Variants in STK10 observed in about 807,000 individuals in gnomAD.
STK10 encodes the protein serine/threonine kinase 10.
Under a neutral mutation model 113.8 loss-of-function variants are expected in STK10, and 78 were observed. The observed-to-expected ratio is 0.69, with a 90% CI of 0.57 to 0.83. STK10 has a LOEUF of 0.83. STK10 is among the 40% of genes least tolerant of loss of function. STK10 has a pLI of 0.00. For missense variants in STK10, 1,109 were observed against 1,280.1 expected (o/e 0.87, Z 2.04); for synonymous variants, 465 against 494.7 (o/e 0.94, Z 0.80).
At chr5:172,161,506 C>G (rs1183115839) in intron 1 of STK10, among the ~76,000 whole-genome samples, 1 of 152,000 alleles carries the variant, frequency 6.6e-6, no homozygotes, top group Non-Finnish European at 1.5e-5. Flanking sequence ...CAATTTCTCT[C>G]CACATTTGCT....
chr5:172,096,711 A>C (rs1768863997), intron 7 of STK10, 151 bp from the exon 8 acceptor site: 3 of 1,092,612 alleles, frequency 2.7e-6, no homozygotes, highest in African/African-American at 1.6e-5. Context: ...GACAGCCTGG[A>C]AAGTCCCAAG....
At chr5:172,064,615 G>T in intron 13 of STK10, 105 bp downstream of exon 13, 1 of 1,163,176 alleles carries the variant, frequency 8.6e-7, no homozygotes, top group Non-Finnish European at 1.3e-6. Flanking sequence ...ATTCAGAACG[G>T]GGTATTTGAG....
At chr5:172,076,182 A>ATTTGTTGTGGGGGCTATCCTGTGCATTT (rs1561797012) in intron 12 of STK10, among the ~76,000 whole-genome samples, 1 of 76,722 alleles carries the variant, frequency 1.3e-5, no homozygotes, top group Non-Finnish European at 2.5e-5. Context: ...CCTGTGCGTT[A>ATTTGTTGTGGGGGCTATCCTGTGCATTT]GTTGTGGGGG....
Position 172,082,366 on chromosome 5 carries a change from T to C in STK10, c.1949A>G (p.Tyr650Cys). 6.3e-7 allele frequency: 1 copy of C among 1,599,026 alleles called. No individual in the cohort carries two copies. Among genetic ancestry groups the C allele is most frequent in the Non-Finnish European group, 8.5e-7 (1 of 1,173,826 alleles). The change falls in exon 12 of 19, where the codon TAC becomes TGC. Residue 650 changes from tyrosine to cysteine, a missense_variant. Tyr to Cys is a radical substitution (Grantham distance 194). Transcript: ENST00000176763. This position sits in a 1 kb window ranked among gnomAD's most constrained non-coding sequence, Gnocchi z 4.3. Reference protein sequence around the residue: ...RRIRLEQDRDYTRFQEQLKLM... With the variant: ...RRIRLEQDRDCTRFQEQLKLM... ...TTTGAGCTGCTCTTGGAACCTGGTGTAGTCCCGATCCTGCTCCAGGCGGAT... is the reference window on the plus strand; with the variant it reads ...TTTGAGCTGCTCTTGGAACCTGGTGCAGTCCCGATCCTGCTCCAGGCGGAT...
At chr5:172,121,799 G>A (rs1454663112) in intron 3 of STK10, among the ~76,000 whole-genome samples, 1 of 152,024 alleles carries the variant, frequency 6.6e-6, no homozygotes, top group African/African-American at 2.4e-5. Flanking sequence ...ACTCCTAGCT[G>A]CAAGCAATCT....
chr5:172,091,114 G>A (rs1768693645), intron 9 of STK10, among the ~76,000 whole-genome samples: 1 of 152,090 alleles, frequency 6.6e-6, no homozygotes, highest in African/African-American at 2.4e-5. Flanking sequence ...TTCAGTGAGA[G>A]AACACATGGC....
At chr5:172,135,372 T>G (rs532875993) in intron 2 of STK10, among the ~76,000 whole-genome samples, 21 of 151,968 alleles carry the variant, frequency 1.4e-4, no homozygotes, top group African/African-American at 4.8e-4. Flanking sequence ...GTTAGCCAGG[T>G]GTGGTGGCAC....
At chr5:172,080,088 T>C (rs1430335158) in intron 12 of STK10, among the ~76,000 whole-genome samples, 1 of 152,190 alleles carries the variant, frequency 6.6e-6, no homozygotes, top group African/African-American at 2.4e-5. Flanking sequence ...TCGCAATATT[T>C]CACATTTTTT....
intron 4 of STK10, among the ~76,000 whole-genome samples, chr5:172,111,628 C>T (rs907144109): frequency 5.3e-5 from 8 of 152,216 alleles, no homozygotes; most frequent in Non-Finnish European, 8.8e-5. Flanking sequence ...TTTCACCATG[C>T]AGTCTCTTCT....
At chr5:172,127,485 C>A in intron 2 of STK10, 64 bp from the exon 3 acceptor site, 1 of 1,578,222 alleles carries the variant, frequency 6.3e-7, no homozygotes. Context: ...ACGGGAACCC[C>A]ACAGGCCCAT....
At chr5:172,145,784 C>T (rs947670389) in intron 2 of STK10, among the ~76,000 whole-genome samples, 1 of 152,194 alleles carries the variant, frequency 6.6e-6, no homozygotes. Flanking sequence ...TGGTTGTGAT[C>T]ACATGGGATC....
chr5:172,085,368 C>T (rs1193018326), intron 10 of STK10, among the ~76,000 whole-genome samples: 2 of 152,092 alleles, frequency 1.3e-5, no homozygotes, highest in Non-Finnish European at 2.9e-5. Context: ...GTGTTAACCA[C>T]GTTTCTTAAT....
At chr5:172,094,763 C>A (rs767997112) in intron 8 of STK10, among the ~76,000 whole-genome samples, 3 of 152,208 alleles carry the variant, frequency 2.0e-5, no homozygotes, top group Non-Finnish European at 4.4e-5. Context: ...GCAACTAACT[C>A]ATATTTTTTA....
In STK10 at chr5:172,133,062, A is replaced by G. The variant is rs1769788575; in HGVS notation, c.322-5641T>C. Among the ~76,000 whole-genome samples, 1 of 152,216 alleles carries G rather than the reference A, an allele frequency of 6.6e-6. No individual in the cohort carries two copies. The highest frequency in any genetic ancestry group is 1.5e-5 in the Non-Finnish European group (1 of 68,034). On this transcript the variant is annotated intron_variant, in intron 2 of 18. Transcript: ENST00000176763. This position sits in a 1 kb window ranked among gnomAD's most constrained non-coding sequence, Gnocchi z 4.9. Reference sequence around the variant, plus strand: ...AACACAGAAGCAGAGGTGGGGCAGCAGGGAAAAGCGTGGAAGCGGGTAATG... The same window carrying G: ...AACACAGAAGCAGAGGTGGGGCAGCGGGGAAAAGCGTGGAAGCGGGTAATG...
chr5:172,112,123 T>C (rs1292984027), intron 4 of STK10, among the ~76,000 whole-genome samples: 1 of 152,248 alleles, frequency 6.6e-6, no homozygotes, highest in East Asian at 1.9e-4. Flanking sequence ...GCTGTATTTG[T>C]ATGGACTAAC....
In STK10 at chr5:172,133,340, A is replaced by G. The variant is rs1020106962; in HGVS notation, c.322-5919T>C. On this transcript the variant is annotated intron_variant, in intron 2 of 18. Transcript: ENST00000176763. The surrounding 1 kb of genome is among the most constrained non-coding windows in gnomAD (Gnocchi z 4.9). ...GTTGGGGACAAACAGCGAAGAGGCC[A>G]TTTCATGAGTCCTGATGTCCTGGGC... Among the ~76,000 whole-genome samples, 2 of 152,312 alleles carry G rather than the reference A, an allele frequency of 1.3e-5. No individual in the cohort carries two copies. Among genetic ancestry groups the G allele is most frequent in the Middle Eastern group, 6.8e-3 (2 of 294 alleles).
intron 1 of STK10, among the ~76,000 whole-genome samples, chr5:172,158,483 C>T (rs1416511271): frequency 1.3e-5 from 2 of 151,950 alleles, no homozygotes; most frequent in African/African-American, 4.8e-5. Flanking sequence ...AAAAATTAGC[C>T]GGGCGTGGTG....
intron 7 of STK10, among the ~76,000 whole-genome samples, chr5:172,102,592 A>G (rs1042359449): frequency 3.9e-5 from 6 of 152,040 alleles, no homozygotes; most frequent in Non-Finnish European, 8.8e-5. Flanking sequence ...GAGGCTTATG[A>G]CCAAGGGTGT....
chr5:172,083,865 GC>G (rs1317054687), intron 10 of STK10, among the ~76,000 whole-genome samples: 1 of 145,768 alleles, frequency 6.9e-6, no homozygotes, highest in Non-Finnish European at 1.5e-5. Flanking sequence ...CCGAGATGAC[GC>G]CATTGCACTC....
Sources: gnomAD v4.1 joint callset for allele counts (sites outside exome capture counted in the v4.1 genomes callset) on GRCh38, gnomAD v4.1.1 for gene constraint, Gnocchi (gnomAD v3.1) non-coding constraint, MANE v1.5 for transcripts, NCBI Gene and HGNC (gene_info 2026-07-23, HGNC 2026-07-21) for gene names.